Variants in RBFOX1 observed in about 807,000 individuals in gnomAD.
RBFOX1 encodes RNA binding protein fox-1 homolog 1.
Under a neutral mutation model 57.7 loss-of-function variants are expected in RBFOX1, and 8 were observed. The observed-to-expected ratio is 0.14, with a 90% confidence interval of 0.08 to 0.25. The LOEUF (loss-of-function observed/expected upper bound fraction) is 0.25, where lower values mean the gene tolerates loss of function less well. RBFOX1 is among the 10% of genes least tolerant of loss of function. RBFOX1 has a pLI of 1.00. For missense variants in RBFOX1, 611 were observed against 548.5 expected (o/e 1.11, Z -1.14); for synonymous variants, 326 against 222.4 (o/e 1.47, Z -4.15).
chr16:5,910,419 G>T (rs1377926807), intron 4 of RBFOX1, among the ~76,000 whole-genome samples: 3 of 152,174 alleles, frequency 2.0e-5, no homozygotes, highest in African/African-American at 7.2e-5. Context: ...CTTATGGGAG[G>T]TTCAATTCAT....
chr16:7,123,939 A>C (rs1203074629), intron 4 of RBFOX1, among the ~76,000 whole-genome samples: 1 of 152,158 alleles, frequency 6.6e-6, no homozygotes, highest in African/African-American at 2.4e-5. Flanking sequence ...GGAATCTCTA[A>C]GTTGTATTAA....
At chr16:7,365,009 T>G (rs529344064) in intron 4 of RBFOX1, among the ~76,000 whole-genome samples, 1 of 152,234 alleles carries the variant, frequency 6.6e-6, no homozygotes, top group Non-Finnish European at 1.5e-5. Context: ...TCTATCTGTC[T>G]GTCTGTCTAT....
At chr16:7,494,504 C>G (rs2067953509) in intron 4 of RBFOX1, among the ~76,000 whole-genome samples, 2 of 152,146 alleles carry the variant, frequency 1.3e-5, no homozygotes, top group Admixed American at 6.5e-5. Context: ...ACACTGCCAT[C>G]CAAGTCACTT....
intron 3 of RBFOX1, among the ~76,000 whole-genome samples, chr16:6,943,693 G>A (rs932826554): frequency 1.4e-5 from 2 of 148,014 alleles, no homozygotes; most frequent in African/African-American, 2.5e-5. Flanking sequence ...GGGCGAGAGA[G>A]TGAGACTCTG....
intron 2 of RBFOX1, among the ~76,000 whole-genome samples, chr16:6,419,326 CAG>C (rs2093711411): frequency 6.6e-6 from 1 of 152,218 alleles, no homozygotes; most frequent in East Asian, 1.9e-4. Flanking sequence ...TGTTGACATA[CAG>C]TTTCCCTGCT....
intron 2 of RBFOX1, among the ~76,000 whole-genome samples, chr16:5,584,019 C>T (rs1428528729): frequency 2.0e-5 from 3 of 152,188 alleles, no homozygotes; most frequent in African/African-American, 7.2e-5. Context: ...TCCCTCTAAT[C>T]AGCCTGCCTA....
At chr16:6,809,188 G>T (rs1007396665) in intron 3 of RBFOX1, among the ~76,000 whole-genome samples, 1 of 152,168 alleles carries the variant, frequency 6.6e-6, no homozygotes, top group African/African-American at 2.4e-5. Flanking sequence ...TTCTGTCTAT[G>T]AATTTTCTTT....
chr16:6,284,272 CCTAT>C (rs2076677550), intron 1 of RBFOX1, among the ~76,000 whole-genome samples: 1 of 152,118 alleles, frequency 6.6e-6, no homozygotes, highest in African/African-American at 2.4e-5. Flanking sequence ...GATCTCTTTT[CCTAT>C]GCCGTCAGGA....
intron 3 of RBFOX1, among the ~76,000 whole-genome samples, chr16:6,906,279 A>G (rs2069906801): frequency 6.6e-6 from 1 of 151,152 alleles, no homozygotes. Context: ...GAGCGGAAGG[A>G]TTAAATATTT....
At chr16:6,277,007 T>C (rs2075868312) in intron 1 of RBFOX1, among the ~76,000 whole-genome samples, 1 of 152,154 alleles carries the variant, frequency 6.6e-6, no homozygotes, top group Admixed American at 6.5e-5. Flanking sequence ...AAATGGGAAA[T>C]AGACCTACCT....
At chr16:7,245,345 A>G (rs2094246965) in intron 4 of RBFOX1, among the ~76,000 whole-genome samples, 3 of 152,014 alleles carry the variant, frequency 2.0e-5, no homozygotes, top group Non-Finnish European at 4.4e-5. Context: ...TTAGGTTCCA[A>G]GATACATGTA....
intron 4 of RBFOX1, among the ~76,000 whole-genome samples, chr16:5,990,872 G>T (rs1295036875): frequency 6.6e-6 from 1 of 152,174 alleles, no homozygotes; most frequent in Non-Finnish European, 1.5e-5. Context: ...TACTCGGGAG[G>T]CTGAGGCAGG....
intron 4 of RBFOX1, among the ~76,000 whole-genome samples, chr16:5,975,128 G>T (rs1039345559): frequency 2.0e-5 from 3 of 152,134 alleles, no homozygotes; most frequent in Non-Finnish European, 2.9e-5. Context: ...TGCCTATGTT[G>T]TTTAGTACTT....
At chr16:5,333,755 T>TG (rs2064824262) in intron 1 of RBFOX1, among the ~76,000 whole-genome samples, 2 of 152,228 alleles carry the variant, frequency 1.3e-5, no homozygotes, top group Non-Finnish European at 2.9e-5. Flanking sequence ...ATGGTGTACT[T>TG]ATCACTCCTA....
At chr16:5,999,283 C>G (rs11645115) in intron 4 of RBFOX1, among the ~76,000 whole-genome samples, 101,732 of 152,050 alleles carry the variant, frequency 0.67, 34,275 homozygotes, top group Middle Eastern at 0.73. Context: ...GCCTAGAATT[C>G]CCCCTCATGC....
intron 13 of RBFOX1, chr16:7,671,632 A>T: frequency 5.7e-6 from 9 of 1,587,122 alleles, no homozygotes; most frequent in Non-Finnish European, 7.8e-6. Flanking sequence ...GAAACTCATC[A>T]CTATGATTGT....
chr16:5,978,487 G>A (rs1004447749), intron 4 of RBFOX1, among the ~76,000 whole-genome samples: 2 of 152,032 alleles, frequency 1.3e-5, no homozygotes, highest in Non-Finnish European at 2.9e-5. Context: ...GTAATGAAGC[G>A]ACCAGCGTTG....
chr16:7,468,131 T>C (rs1415812922), intron 4 of RBFOX1, among the ~76,000 whole-genome samples: 1 of 152,200 alleles, frequency 6.6e-6, no homozygotes, highest in Non-Finnish European at 1.5e-5. Context: ...TAACAAGCTG[T>C]GTGTGAAAAC....
intron 2 of RBFOX1, among the ~76,000 whole-genome samples, chr16:6,560,005 T>C (rs1394796147): frequency 1.3e-5 from 2 of 152,100 alleles, no homozygotes; most frequent in Admixed American, 6.5e-5. Flanking sequence ...TTCAAGCCCA[T>C]TGAGTTCCCG....
Sources: gnomAD v4.1 joint callset for allele counts (sites outside exome capture counted in the v4.1 genomes callset) on GRCh38, gnomAD v4.1.1 for gene constraint, MANE v1.5 for transcripts, NCBI Gene and HGNC (gene_info 2026-07-23, HGNC 2026-07-21) for gene names.